YEATS2: variants seen among roughly 807,000 people sequenced by gnomAD.
YEATS2 encodes YEATS domain containing 2, also known as YEATS domain-containing protein 2.
In YEATS2, 77 loss-of-function variants were observed where a neutral mutation model predicts 163.2. That is an observed-to-expected ratio of 0.47 (90% confidence interval 0.39 to 0.57). YEATS2 has a LOEUF of 0.57. Among genes scored for constraint, YEATS2 ranks in the 20% least tolerant of loss-of-function variants. The probability of loss-of-function intolerance (pLI) is 0.00; values close to 1 mark genes in which losing one functional copy is unlikely to be tolerated. For synonymous variants in YEATS2, 631 were observed against 645.1 expected, an observed-to-expected ratio of 0.98 and a Z score of 0.33; for missense variants, 1,549 against 1,729.8, an observed-to-expected ratio of 0.90 and a Z score of 1.85.
At chr3:183,768,592 G>C (rs925706748) in intron 15 of YEATS2, among the ~76,000 whole-genome samples, 5 of 151,960 alleles carry the variant, frequency 3.3e-5, no homozygotes, top group Non-Finnish European at 7.4e-5. Context: ...CAGTAAGAAG[G>C]GTTTCCGTAT....
At chr3:183,760,710 GT>G (rs1428043636) in intron 13 of YEATS2, among the ~76,000 whole-genome samples, 1 of 152,142 alleles carries the variant, frequency 6.6e-6, no homozygotes, top group African/African-American at 2.4e-5. Flanking sequence ...TGTTTTTTAA[GT>G]TTTTATTGAA....
At chr3:183,711,623 G>A (rs1224144728) in intron 1 of YEATS2, among the ~76,000 whole-genome samples, 3 of 152,030 alleles carry the variant, frequency 2.0e-5, no homozygotes, top group Non-Finnish European at 4.4e-5. Context: ...ATAAATTCTG[G>A]GGGTTTTAGA....
chr3:183,764,613 C>CT (rs1721714934), intron 15 of YEATS2, among the ~76,000 whole-genome samples: 1 of 151,978 alleles, frequency 6.6e-6, no homozygotes, highest in East Asian at 1.9e-4. Context: ...AGTTCGAGAT[C>CT]AGGCCAACAT....
Position 183,755,741 on chromosome 3 carries a change from C to CTTTTTTTTTTTTT in YEATS2, c.1391-770_1391-758dup, listed in dbSNP as rs57050296. Among the ~76,000 whole-genome samples the CTTTTTTTTTTTTT allele has an allele frequency of 3.9e-4, 32 of 82,194 alleles. 3 individuals carry two copies. The highest frequency in any genetic ancestry group is 1.1e-3 in the African/African-American group (18 of 16,558). The allele number at this position is 82,194 out of a possible 152,430, so 53.9% of individuals were successfully genotyped here. On this transcript the variant is annotated intron_variant, in intron 11 of 30. Transcript: ENST00000305135. ...ACTTACTGATTTTCTTCCTTCCTTTCTTTTTTTTTTTTTTTTTTTTTTTTT... is the reference window on the plus strand; with the variant it reads ...ACTTACTGATTTTCTTCCTTCCTTTCTTTTTTTTTTTTTTTTTTTTTTTTTTTTTTTTTTTTTT...
intron 1 of YEATS2, 44 bp downstream of exon 1, chr3:183,698,037 C>A (rs941827917): frequency 1.3e-5 from 2 of 152,008 alleles, no homozygotes; most frequent in Non-Finnish European, 2.9e-5. Context: ...GGGAGCGCGC[C>A]CCGCTCTCCG....
intron 1 of YEATS2, among the ~76,000 whole-genome samples, chr3:183,703,828 C>T (rs562495432): frequency 1.3e-5 from 2 of 152,052 alleles, no homozygotes; most frequent in South Asian, 4.2e-4. Flanking sequence ...GGAAATGGAT[C>T]ATATGTATTT....
chr3:183,721,957 T>C lies in YEATS2; in HGVS notation c.358T>C (p.Ser120Pro). ...PAIKKFLESP[S>P]RSSSPANQRA... is the part of the protein sequence containing the mutation. ...TATCAAGAAATTTTTGGAATCACCA[T>C]CTAGGTCATCATCTCCTGCCAATCA... The change falls in exon 5 of 31, where the codon TCT becomes CCT. Residue 120 changes from serine to proline, a missense_variant. Transcript: ENST00000305135. The C allele has an allele frequency of 6.2e-7, 1 of 1,614,198 alleles. No individual in the cohort carries two copies. Among genetic ancestry groups the C allele is most frequent in the Non-Finnish European group, 8.5e-7 (1 of 1,180,034 alleles).
Position 183,772,485 on chromosome 3 carries a change from G to A in YEATS2, c.2128G>A (p.Val710Ile), listed in dbSNP as rs1168977711. ...TGTGAGTGGAGGTGGAGGAACCATT[G>A]TTGCTCAGCCAGTGCAGACCTTAAC... ...AIVSGGGGTI[V>I]AQPVQTLTKA... Residue 710 changes from valine to isoleucine, a missense_variant, in exon 16 of 31, where the codon GTT becomes ATT. Physicochemically the swap from Val to Ile is conservative, Grantham distance 29 (BLOSUM62 3). Transcript: ENST00000305135. 3.7e-6 allele frequency: 6 copies of A among 1,614,156 alleles called. No individual in the cohort carries two copies. Among genetic ancestry groups the A allele is most frequent in the Non-Finnish European group, 4.2e-6 (5 of 1,180,002 alleles).
rs770179418 is a variant in YEATS2, at chr3:183,721,981, CAG to C, written c.387_388del (p.Arg129SerfsTer12). On this transcript the variant is annotated frameshift_variant, in exon 5 of 31. Coordinates refer to ENST00000305135, the MANE Select transcript of YEATS2 (RefSeq NM_018023.5). LOFTEE classifies it high-confidence loss of function. The part of the protein sequence containing the change: ...SPSRSSSPAN[Q>X]RAETPSANHS... ...ATCTAGGTCATCATCTCCTGCCAAT[CAG>C]AGAGCAGAAACACCATCAGCCAATC... The C allele has an allele frequency of 6.2e-7, 1 of 1,614,164 alleles. No individual in the cohort carries two copies. The highest frequency in any genetic ancestry group is 1.7e-5 in the Admixed American group (1 of 60,026).
intron 6 of YEATS2, among the ~76,000 whole-genome samples, chr3:183,724,830 C>A (rs531345353): frequency 6.6e-6 from 1 of 152,142 alleles, no homozygotes; most frequent in Non-Finnish European, 1.5e-5. Context: ...GCAACCTCCC[C>A]CCGCCCGGGT....
At chr3:183,702,535 G>A (rs1050026239) in intron 1 of YEATS2, among the ~76,000 whole-genome samples, 5 of 151,726 alleles carry the variant, frequency 3.3e-5, no homozygotes, top group Non-Finnish European at 5.9e-5. Flanking sequence ...GAACCGGTGG[G>A]GTAAAGGAAT....
chr3:183,723,084 C>G (rs555445089), intron 5 of YEATS2, among the ~76,000 whole-genome samples: 2 of 152,366 alleles, frequency 1.3e-5, no homozygotes, highest in African/African-American at 4.8e-5. Context: ...TCTTTCAACT[C>G]TGTCGTGTTT....
chr3:183,725,691 C>T (rs529085553), intron 6 of YEATS2, among the ~76,000 whole-genome samples: 91 of 152,350 alleles, frequency 6.0e-4, no homozygotes, highest in Non-Finnish European at 1.0e-3. Flanking sequence ...CACTGCGTCC[C>T]TTCCAGGACG....
chr3:183,767,971 A>G (rs542095145), intron 15 of YEATS2, among the ~76,000 whole-genome samples: 1 of 152,198 alleles, frequency 6.6e-6, no homozygotes, highest in Non-Finnish European at 1.5e-5. Flanking sequence ...GTTTTCCCTA[A>G]GTTATTTGCT....
intron 8 of YEATS2, among the ~76,000 whole-genome samples, chr3:183,739,215 C>G (rs1027677241): frequency 6.6e-6 from 1 of 151,860 alleles, no homozygotes; most frequent in Non-Finnish European, 1.5e-5. Context: ...AAAACCCCAT[C>G]GTCTCAGCCC....
At chr3:183,764,634 C>T (rs747722248) in intron 15 of YEATS2, among the ~76,000 whole-genome samples, 7 of 151,900 alleles carry the variant, frequency 4.6e-5, no homozygotes, top group African/African-American at 7.3e-5. Flanking sequence ...AGTGAAACCC[C>T]GTCTATACTA....
intron 1 of YEATS2, among the ~76,000 whole-genome samples, chr3:183,714,584 A>G (rs1212640664): frequency 6.6e-6 from 1 of 152,016 alleles, no homozygotes; most frequent in Non-Finnish European, 1.5e-5. Context: ...AATTAGTTTA[A>G]TATAAGTCTA....
rs1207275761 is a variant in YEATS2, at chr3:183,750,766, CTT to C, written c.970-1305_970-1304del. On this transcript the variant is annotated intron_variant, in intron 9 of 30. Transcript: ENST00000305135. ...CTATTCAGAGACATTCAGAAAATGT[CTT>C]TGCCCATTTTTAAATTAGGTGGTTT... Among the ~76,000 whole-genome samples the C allele has an allele frequency of 2.0e-5, 3 of 152,234 alleles. No homozygotes were observed. The East Asian group carries it at 5.8e-4, about 29-fold the overall frequency.
intron 5 of YEATS2, among the ~76,000 whole-genome samples, chr3:183,724,064 G>T (rs1030555329): frequency 6.6e-6 from 1 of 152,030 alleles, no homozygotes; most frequent in Non-Finnish European, 1.5e-5. Context: ...TATTATAAAA[G>T]GTTAAAAAGA....
Sources: gnomAD v4.1 joint callset for allele counts (sites outside exome capture counted in the v4.1 genomes callset) on GRCh38, gnomAD v4.1.1 for gene constraint, MANE v1.5 for transcripts, NCBI Gene and HGNC (gene_info 2026-07-23, HGNC 2026-07-21) for gene names.